The following TBK1 variants were observed in gnomAD, a reference collection of about 807,000 sequenced individuals.
TBK1 encodes TANK binding kinase 1.
TBK1 carries 37 observed loss-of-function variants against 99.9 expected under a neutral mutation model. The ratio of observed to expected loss-of-function variants is 0.37; its 90% CI spans 0.28 to 0.49. TBK1 has a LOEUF of 0.49. Among genes scored for constraint, TBK1 ranks in the 20% least tolerant of loss-of-function variants. The probability of loss-of-function intolerance (pLI) is 0.98; values close to 1 mark genes in which losing one functional copy is unlikely to be tolerated. For synonymous variants in TBK1, 258 were observed against 279.8 expected (o/e 0.92, Z 0.78); for missense variants, 644 against 872.5 (o/e 0.74, Z 3.30).
rs540609466 is a variant in TBK1 at position 64,489,726 on chromosome 12, G to A, written c.1443-315G>A. Among the ~76,000 whole-genome samples the A allele has an allele frequency of 1.2e-3, 179 of 150,080 alleles. 1 individual carries two copies. Among genetic ancestry groups the A allele is most frequent in the Admixed American group, 5.0e-3 (76 of 15,132 alleles). On this transcript the variant is annotated intron_variant, in intron 12 of 20. Coordinates refer to ENST00000331710, the MANE Select transcript of TBK1 (RefSeq NM_013254.4). ...TGGGACTACAGGTGCATGCCACCAC[G>A]CCCGGCTTATTTTTTTTTTTTTTGT...
intron 6 of TBK1, among the ~76,000 whole-genome samples, chr12:64,475,411 C>T (rs2040702304): frequency 1.3e-5 from 2 of 152,102 alleles, no homozygotes; most frequent in Non-Finnish European, 2.9e-5. Context: ...GTGTTCAGCC[C>T]TTGTCTCCTT....
At chr12:64,496,801 C>A in intron 16 of TBK1, 148 bp from the exon 17 acceptor site, 1 of 599,888 alleles carries the variant, frequency 1.7e-6, no homozygotes, top group Non-Finnish European at 2.9e-6. Context: ...TAATGTCTAT[C>A]TTAGAAACGT....
intron 3 of TBK1, among the ~76,000 whole-genome samples, chr12:64,463,857 G>GTTTTTTTTTTTTT: frequency 8.1e-6 from 1 of 122,846 alleles, no homozygotes; most frequent in African/African-American, 3.0e-5. Flanking sequence ...GAAAATGTTA[G>GTTTTTTTTTTTTT]TTTTTTTTTT....
intron 11 of TBK1, among the ~76,000 whole-genome samples, chr12:64,487,144 T>C (rs2040828025): frequency 6.6e-6 from 1 of 152,246 alleles, no homozygotes; most frequent in South Asian, 2.1e-4. Flanking sequence ...TTTAATGATT[T>C]ATAGATGTCA....
rs746971642 is a variant in TBK1 at position 64,480,112 on chromosome 12, A to G, written c.802A>G (p.Ser268Gly). 1.1e-5 allele frequency: 17 copies of G among 1,611,516 alleles called. No homozygotes were observed. The Middle Eastern group carries it at 2.2e-3, about 204-fold the overall frequency. Residue 268 changes from serine (S) to glycine (G), a missense_variant, in exon 7 of 21, where the codon AGT (serine) becomes GGT (glycine). Ser to Gly is a moderately conservative substitution (Grantham distance 56, BLOSUM62 0). Coordinates refer to ENST00000331710, the MANE Select transcript of TBK1 (RefSeq NM_013254.4). ...DWSGDMPVSC[S>G]LSRGLQVLLT... ...GAGTGGAGACATGCCTGTTTCTTGCAGTCTTTCTCGGTAAGTATGGTGTAC... is the reference window on the plus strand; with the variant it reads ...GAGTGGAGACATGCCTGTTTCTTGCGGTCTTTCTCGGTAAGTATGGTGTAC...
intron 20 of TBK1, among the ~76,000 whole-genome samples, chr12:64,500,954 T>A (rs775723075): frequency 4.6e-5 from 7 of 152,072 alleles, no homozygotes; most frequent in Non-Finnish European, 1.0e-4. Context: ...AGAAGGAGTT[T>A]TGCCATATTG....
rs372785819 is a variant in TBK1 at position 64,456,656 on chromosome 12, C to T, written c.87+699C>T. ...GAGATCGAGACCATCCTGGCTAACACGGTGAAACCCCGTCTCTACTAAAAA... is the reference window on the plus strand; with the variant it reads ...GAGATCGAGACCATCCTGGCTAACATGGTGAAACCCCGTCTCTACTAAAAA... On this transcript the variant is annotated intron_variant, in intron 2 of 20. Coordinates refer to ENST00000331710, the MANE Select transcript of TBK1 (RefSeq NM_013254.4). Among the ~76,000 whole-genome samples the T allele has an allele frequency of 4.0e-5, 6 of 151,784 alleles. No homozygotes were observed. In the East Asian group the frequency reaches 9.7e-4, roughly 24 times the overall value.
At position 64,495,937 on chromosome 12, in the gene TBK1, A is replaced by C. The variant is rs1367240912; in HGVS notation, c.1720+162A>C. The C allele has an allele frequency of 6.0e-5, 35 of 587,074 alleles. No homozygotes were observed. The East Asian group carries it at 8.0e-4, about 13-fold the overall frequency. The allele number at this position is 587,074 out of a possible 1,614,324, so 36.4% of individuals were successfully genotyped here. A position where few individuals can be genotyped will look rare whatever the true frequency, so the allele number is the denominator to read the frequency against. The stretch of plus-strand genomic sequence containing the variant: ...AAGGTTGATTGTGTTAAAAAAAAAA[A>C]AAAAAACTATCCTTAAAATCAACCT... On this transcript the variant is annotated intron_variant, in intron 15 of 20. Transcript: ENST00000331710.
chr12:64,465,024 G>A (rs1277354407), intron 4 of TBK1, among the ~76,000 whole-genome samples: 1 of 151,958 alleles, frequency 6.6e-6, no homozygotes, highest in Non-Finnish European at 1.5e-5. Flanking sequence ...CCGGCAGATT[G>A]CTTGAGTCCA....
chr12:64,495,525 A>G lies in TBK1; in HGVS notation c.1564A>G (p.Ile522Val). ...QGTIETSLQD[I>V]DSRLSPGGSL... ...AACAATAGAAACCAGTCTTCAGGAT[A>G]TCGACAGCAGATTATCTCCAGGTGG... Residue 522 changes from isoleucine (I) to valine (V), a missense_variant, in exon 14 of 21, where the codon ATC becomes GTC. By Grantham distance (29) the Ile-to-Val change is conservative. This residue lies in a region of TBK1 where 465 missense variants were observed against 588.0 expected (regional missense o/e 0.79). Transcript: ENST00000331710. The G allele has an allele frequency of 4.3e-6, 7 of 1,614,128 alleles. No homozygotes were observed. Among genetic ancestry groups the G allele is most frequent in the African/African-American group, 1.3e-5 (1 of 75,062 alleles).
intron 4 of TBK1, among the ~76,000 whole-genome samples, chr12:64,466,244 A>G (rs1480605720): frequency 3.3e-5 from 5 of 152,304 alleles, no homozygotes; most frequent in Non-Finnish European, 5.9e-5. Context: ...GAATTTGAAC[A>G]TTCATCTATC....
At chr12:64,463,285 T>C (rs971618844) in intron 3 of TBK1, among the ~76,000 whole-genome samples, 3 of 150,674 alleles carry the variant, frequency 2.0e-5, no homozygotes, top group African/African-American at 7.3e-5. Context: ...GGCAGGAGAA[T>C]GGAGAGTGGC....
intron 19 of TBK1, 86 bp downstream of exon 19, chr12:64,497,840 TTA>T: frequency 1.4e-6 from 2 of 1,409,192 alleles, no homozygotes; most frequent in Non-Finnish European, 9.8e-7. Flanking sequence ...TTGAAATTTT[TTA>T]TGTTTGTTGT....
Position 64,484,187 on chromosome 12 carries a change from A to C in TBK1, c.993-116A>C, listed in dbSNP as rs554451551. 289 of 666,688 alleles carry C rather than the reference A, an allele frequency of 4.3e-4. 3 individuals carry two copies. The South Asian group carries it at 6.2e-3, about 14-fold the overall frequency. The allele number at this position is 666,688 out of a possible 1,614,324, so 41.3% of individuals were successfully genotyped here. On this transcript the variant is annotated intron_variant, in intron 8 of 20. Coordinates refer to ENST00000331710, the MANE Select transcript of TBK1 (RefSeq NM_013254.4). ...ACATTAACAAAGCAAGTTTATATGG[A>C]CTGGTTATGATATTAGGGATATGAA...
intron 4 of TBK1, among the ~76,000 whole-genome samples, chr12:64,465,276 A>C (rs1257224167): frequency 1.4e-5 from 2 of 145,550 alleles, no homozygotes; most frequent in Non-Finnish European, 3.0e-5. Flanking sequence ...AAGTGTTGGC[A>C]AGAATATGGA....
intron 3 of TBK1, among the ~76,000 whole-genome samples, chr12:64,462,506 A>T (rs1483922197): frequency 1.3e-5 from 2 of 152,202 alleles, no homozygotes; most frequent in East Asian, 3.8e-4. Flanking sequence ...CCAAAATATT[A>T]ATTCATTATC....
intron 1 of TBK1, among the ~76,000 whole-genome samples, chr12:64,453,484 C>T (rs550867814): frequency 2.0e-5 from 3 of 152,122 alleles, no homozygotes; most frequent in African/African-American, 7.2e-5. Context: ...TTGCTTATTT[C>T]CTATAGTCGT....
chr12:64,479,958 A>G (rs916286526), intron 6 of TBK1, 54 bp from the exon 7 acceptor site: 11 of 1,302,454 alleles, frequency 8.4e-6, no homozygotes, highest in Non-Finnish European at 6.5e-6. Flanking sequence ...AAGCCCATTA[A>G]TAAGTCATGC....
intron 6 of TBK1, among the ~76,000 whole-genome samples, chr12:64,477,346 G>A (rs974733360): frequency 3.3e-5 from 5 of 152,138 alleles, no homozygotes; most frequent in Non-Finnish European, 5.9e-5. Flanking sequence ...TCTTTCAGCG[G>A]TGTTAGTTCT....
Sources: gnomAD v4.1 joint callset for allele counts (sites outside exome capture counted in the v4.1 genomes callset) on GRCh38, gnomAD v4.1.1 for gene constraint, gnomAD v4.1.1 regional missense constraint, MANE v1.5 for transcripts, NCBI Gene and HGNC (gene_info 2026-07-23, HGNC 2026-07-21) for gene names.